Variants in DSC2 observed in about 807,000 individuals in gnomAD.
DSC2 encodes the protein desmocollin 2, also known as desmocollin-2.
Under a neutral mutation model 87.6 loss-of-function variants are expected in DSC2, and 51 were observed. The ratio of observed to expected loss-of-function variants is 0.58; its 90% confidence interval spans 0.46 to 0.74. The LOEUF (loss-of-function observed/expected upper bound fraction) is 0.74, where lower values mean the gene tolerates loss of function less well. Among genes scored for constraint, DSC2 ranks in the 30% least tolerant of loss-of-function variants. DSC2 has a pLI of 0.00. For missense variants in DSC2, 1,066 were observed against 1,089.5 expected (o/e 0.98, Z 0.30); for synonymous variants, 383 against 393.2 (o/e 0.97, Z 0.31).
chr18:31,092,992 C>T (rs1357248566), intron 2 of DSC2, among the ~76,000 whole-genome samples: 1 of 151,994 alleles, frequency 6.6e-6, no homozygotes, highest in Admixed American at 6.5e-5. Flanking sequence ...CCAAAAATAA[C>T]AATATTCCTT....
At chr18:31,084,044 A>G (rs936901576) in intron 7 of DSC2, among the ~76,000 whole-genome samples, 2 of 152,120 alleles carry the variant, frequency 1.3e-5, no homozygotes, top group Admixed American at 1.3e-4. Flanking sequence ...TACCTAATTT[A>G]TCTCTTTTCA....
intron 1 of DSC2, among the ~76,000 whole-genome samples, chr18:31,094,789 G>T (rs1987711595): frequency 6.6e-6 from 1 of 152,224 alleles, no homozygotes; most frequent in Non-Finnish European, 1.5e-5. Context: ...TAGACACAAT[G>T]AAGACATTAG....
intron 11 of DSC2, among the ~76,000 whole-genome samples, chr18:31,077,597 C>T (rs995168233): frequency 2.4e-4 from 37 of 152,078 alleles, no homozygotes; most frequent in African/African-American, 8.9e-4. Context: ...ATATCTAATC[C>T]ACTGTGTTTC....
Position 31,089,446 on chromosome 18 carries a change from G to C in DSC2, c.623C>G (p.Ser208Cys). The C allele has an allele frequency of 6.2e-7, 1 of 1,613,702 alleles. No individual in the cohort carries two copies. The highest frequency in any genetic ancestry group is 8.5e-7 in the Non-Finnish European group (1 of 1,179,818). ...TRPVDREQYE[S>C]FEIIAFATTP... is the part of the protein sequence containing the mutation. ...ACACATTTTAGACTTTACCTCAAAA[G>C]ATTCATACTGCTCACGATCTACAGG... Residue 208 changes from serine to cysteine, a missense_variant, in exon 5 of 16, where the codon TCT becomes TGT. Physicochemically the swap from Ser to Cys is moderately radical, Grantham distance 112 (BLOSUM62 -1). Transcript: ENST00000280904.
intron 4 of DSC2, 126 bp from the exon 5 acceptor site, chr18:31,089,720 T>C: frequency 1.1e-6 from 1 of 934,798 alleles, no homozygotes; most frequent in Non-Finnish European, 1.6e-6. Flanking sequence ...TTATTATATA[T>C]AAATTAAAAC....
At chr18:31,072,620 A>G (rs564733012) in intron 12 of DSC2, among the ~76,000 whole-genome samples, 219 of 152,322 alleles carry the variant, frequency 1.4e-3, no homozygotes, top group African/African-American at 4.9e-3. Context: ...AATTTAGAAG[A>G]AGAAAAAAAC....
chr18:31,085,466 T>G, intron 7 of DSC2, among the ~76,000 whole-genome samples: 1 of 151,332 alleles, frequency 6.6e-6, no homozygotes, highest in Admixed American at 6.6e-5. Context: ...TTTATTATTT[T>G]TAATATTTAA....
chr18:31,082,473 A>G, intron 8 of DSC2, 50 bp from the exon 9 acceptor site: 6 of 1,493,282 alleles, frequency 4.0e-6, no homozygotes, highest in Non-Finnish European at 5.6e-6. Context: ...TCTCACAAAA[A>G]TTGAACACGA....
intron 5 of DSC2, 77 bp from the exon 6 acceptor site, chr18:31,087,890 T>A: frequency 2.0e-6 from 3 of 1,497,086 alleles, no homozygotes; most frequent in South Asian, 2.3e-5. Flanking sequence ...CATTTTGGCT[T>A]TAACTTGGAG....
chr18:31,095,773 T>C (rs1987742544), intron 1 of DSC2, among the ~76,000 whole-genome samples: 1 of 151,894 alleles, frequency 6.6e-6, no homozygotes, highest in African/African-American at 2.4e-5. Context: ...ACAAATGTAA[T>C]GATAGGGAAG....
chr18:31,099,192 A>C (rs1015426838), intron 1 of DSC2, among the ~76,000 whole-genome samples: 6 of 152,188 alleles, frequency 3.9e-5, no homozygotes, highest in Non-Finnish European at 7.3e-5. Context: ...TGATATTTTA[A>C]GCTATAAAAG....
rs548815340 is a variant in DSC2, at chr18:31,070,137, T to C, written c.2250+589A>G. Among the ~76,000 whole-genome samples, 4 of 152,336 alleles carry C rather than the reference T, an allele frequency of 2.6e-5. No individual in the cohort carries two copies. In the South Asian group the frequency reaches 8.3e-4, roughly 32 times the overall value. ...TGGATACTGTCATGCTTTTGTTTTC[T>C]AAATCTTTCTTGCCCTAGTCATCAA... On this transcript the variant is annotated intron_variant, in intron 14 of 15. Coordinates refer to ENST00000280904, the MANE Select transcript of DSC2 (RefSeq NM_024422.6).
rs794728063 is a variant in DSC2, at chr18:31,101,949, C to A, written c.23G>T (p.Gly8Val). 7.9e-5 allele frequency: 121 copies of A among 1,527,666 alleles called. No individual in the cohort carries two copies. Among genetic ancestry groups the A allele is most frequent in the Non-Finnish European group, 9.7e-5 (111 of 1,142,912 alleles). The allele number at this position is 1,527,666 out of a possible 1,614,324, so 94.6% of individuals were successfully genotyped here. ...CCGGCAGAGGGCTCCGTTCCAGGAG[C>A]CGGAGGGGCGGGCTGCCTCCATGGA... MEAARPSGSWNGALCRLL... is the reference protein window; with the variant it reads MEAARPSVSWNGALCRLL... Residue 8 changes from glycine to valine, a missense_variant, in exon 1 of 16, where the codon GGC (glycine) becomes GTC (valine). Physicochemically the swap from Gly to Val is moderately radical, Grantham distance 109. Transcript: ENST00000280904.
chr18:31,084,385 T>C (rs2144824843), intron 7 of DSC2, among the ~76,000 whole-genome samples: 1 of 152,238 alleles, frequency 6.6e-6, no homozygotes, highest in African/African-American at 2.4e-5. Context: ...TGGAAATAAT[T>C]AACTGGCTAA....
At chr18:31,097,538 G>C (rs911648305) in intron 1 of DSC2, among the ~76,000 whole-genome samples, 3 of 151,552 alleles carry the variant, frequency 2.0e-5, no homozygotes, top group Admixed American at 6.6e-5. Flanking sequence ...AACTAAACAA[G>C]CTGATTTAAA....
Position 31,071,768 on chromosome 18 carries a change from A to C in DSC2, c.1962T>G (p.Asp654Glu). ...AAGTGACACTAGACATGCCAAGTCT[A>C]TCTCTCACTGTTATAGGTACTACAT... Reference protein sequence around the residue: ...GSYVVPITVRDRLGMSSVTSL... With the variant: ...GSYVVPITVRERLGMSSVTSL... Residue 654 changes from aspartate (D) to glutamate (E), a missense_variant, in exon 13 of 16, where the codon GAT (aspartate) becomes GAG (glutamate). Transcript: ENST00000280904. 1 of 1,614,022 alleles carries C rather than the reference A, an allele frequency of 6.2e-7. No individual in the cohort carries two copies.
chr18:31,070,391 T>C (rs1161897216), intron 14 of DSC2, among the ~76,000 whole-genome samples: 1 of 152,140 alleles, frequency 6.6e-6, no homozygotes, highest in African/African-American at 2.4e-5. Context: ...TGGTAAACCG[T>C]GAATAATTAA....
Position 31,059,440 on chromosome 18 carries a change from T to C in DSC2, c.*8575A>G, listed in dbSNP as rs1986458955. ...TAATGTGAGATGATACAGTATTTTC[T>C]TTTTGCTTTCAATTTAATCATTTAC... On this transcript the variant is annotated 3_prime_UTR_variant, in exon 16 of 16. Coordinates refer to ENST00000280904, the MANE Select transcript of DSC2 (RefSeq NM_024422.6). 6.6e-6 allele frequency: 1 copy of C among 152,192 alleles called. No homozygotes were observed. Among genetic ancestry groups the C allele is most frequent in the Admixed American group, 6.6e-5 (1 of 15,264 alleles). 9.4% of individuals were successfully genotyped at this position (152,192 alleles called of 1,614,324 possible).
rs577978948 is a variant in DSC2, at chr18:31,088,317, T to C, written c.631-504A>G. 2.4e-3 allele frequency among the ~76,000 whole-genome samples: 369 copies of C among 152,316 alleles called. 2 individuals are homozygous for C. Among genetic ancestry groups the C allele is most frequent in the African/African-American group, 8.2e-3 (342 of 41,572 alleles). On this transcript the variant is annotated intron_variant, in intron 5 of 15. Transcript: ENST00000280904. ...TGGGTAAGTCTTTTCAAAGAATTTT[T>C]AATTTAAAAAGGGTGAATCAGAAAT...
Sources: gnomAD v4.1 joint callset for allele counts (sites outside exome capture counted in the v4.1 genomes callset) on GRCh38, gnomAD v4.1.1 for gene constraint, MANE v1.5 for transcripts, NCBI Gene and HGNC (gene_info 2026-07-23, HGNC 2026-07-21) for gene names.